The following GPA33 variants were observed in gnomAD, a reference collection of about 807,000 sequenced individuals.
GPA33 encodes the protein glycoprotein A33, also known as cell surface A33 antigen.
GPA33 carries 27 observed loss-of-function variants against 35.6 expected under a neutral mutation model. The ratio of observed to expected loss-of-function variants is 0.76; its 90% CI spans 0.56 to 1.04. The LOEUF (loss-of-function observed/expected upper bound fraction) is 1.04. Among genes scored for constraint, GPA33 ranks in the 50% least tolerant of loss-of-function variants. The pLI is 0.00. For missense variants in GPA33, 428 were observed against 411.9 expected (o/e 1.04, Z -0.34); for synonymous variants, 176 against 164.0 (o/e 1.07, Z -0.56).
At chr1:167,063,421 C>A (rs1666509482) in intron 4 of GPA33, among the ~76,000 whole-genome samples, 161 bp downstream of exon 4, 1 of 152,150 alleles carries the variant, frequency 6.6e-6, no homozygotes. Flanking sequence ...AAACAAGAAA[C>A]CAGTGCTTAG....
At chr1:167,075,629 TGTAA>T (rs1666809011) in intron 1 of GPA33, among the ~76,000 whole-genome samples, 3 of 152,172 alleles carry the variant, frequency 2.0e-5, no homozygotes, top group African/African-American at 7.2e-5. Context: ...GAGGCAGTTA[TGTAA>T]GTCTGGAGTG....
chr1:167,072,168 G>C (rs1042783294), intron 2 of GPA33, among the ~76,000 whole-genome samples: 7 of 152,258 alleles, frequency 4.6e-5, no homozygotes, highest in Non-Finnish European at 7.4e-5. Flanking sequence ...GAGGCCTTGA[G>C]TGTTCTAGGC....
chr1:167,067,370 G>A (rs1163972283), intron 3 of GPA33, among the ~76,000 whole-genome samples: 3 of 151,992 alleles, frequency 2.0e-5, no homozygotes, highest in Non-Finnish European at 4.4e-5. Context: ...CTAAAGTGCT[G>A]GGATTACAGG....
At chr1:167,090,202 C>G in intron 1 of GPA33, 43 bp downstream of exon 1, 5 of 1,504,158 alleles carry the variant, frequency 3.3e-6, no homozygotes, top group Non-Finnish European at 4.6e-6. Flanking sequence ...GTCCCCATGT[C>G]TCACCCACCC....
At chr1:167,069,258 C>T in intron 2 of GPA33, 120 bp from the exon 3 acceptor site, 3 of 626,330 alleles carry the variant, frequency 4.8e-6, no homozygotes, top group South Asian at 1.9e-5. Context: ...ACCTGCCAAC[C>T]CCTCAGAACA....
intron 1 of GPA33, among the ~76,000 whole-genome samples, chr1:167,075,025 C>A: frequency 6.6e-6 from 1 of 151,406 alleles, no homozygotes; most frequent in East Asian, 1.9e-4. Context: ...CCTCAGCCTC[C>A]CGAGTAGCTG....
intron 6 of GPA33, 29 bp from the exon 7 acceptor site, chr1:167,054,495 G>T (rs1312524841): frequency 6.2e-7 from 1 of 1,613,818 alleles, no homozygotes; most frequent in Non-Finnish European, 8.5e-7. Flanking sequence ...CAGAGGGGAA[G>T]GATTTGCTCT....
At chr1:167,061,483 T>C (rs1666440235) in intron 4 of GPA33, among the ~76,000 whole-genome samples, 2 of 150,572 alleles carry the variant, frequency 1.3e-5, no homozygotes, top group Non-Finnish European at 2.9e-5. Context: ...ACACACTCGA[T>C]AAAAAGTTGC....
intron 2 of GPA33, among the ~76,000 whole-genome samples, chr1:167,069,639 G>A (rs995150843): frequency 6.6e-6 from 1 of 152,242 alleles, no homozygotes; most frequent in Non-Finnish European, 1.5e-5. Flanking sequence ...CAAATTGTAT[G>A]TGGTAATGGC....
intron 1 of GPA33, among the ~76,000 whole-genome samples, chr1:167,083,503 A>C (rs570846560): frequency 6.6e-6 from 1 of 152,162 alleles, no homozygotes; most frequent in South Asian, 2.1e-4. Flanking sequence ...ACTATGCCAG[A>C]CTCTGGGGAT....
intron 1 of GPA33, among the ~76,000 whole-genome samples, chr1:167,078,128 T>A (rs1483426673): frequency 6.6e-6 from 1 of 152,204 alleles, no homozygotes; most frequent in Non-Finnish European, 1.5e-5. Flanking sequence ...TCCTATTTTG[T>A]TCCTTGACCA....
At chr1:167,056,818 AGCGTT>A (rs1558002185) in intron 4 of GPA33, among the ~76,000 whole-genome samples, 413 of 2,766 alleles carry the variant, frequency 0.15, no homozygotes, top group Admixed American at 0.19. Context: ...TGTATGTGGC[AGCGTT>A]TGTAGTGTGT....
chr1:167,072,995 T>A (rs769700379), intron 2 of GPA33, among the ~76,000 whole-genome samples: 1 of 150,780 alleles, frequency 6.6e-6, no homozygotes, highest in Admixed American at 6.6e-5. Context: ...GATTATATTA[T>A]CTATTTAAAA....
intron 4 of GPA33, among the ~76,000 whole-genome samples, chr1:167,056,602 G>A (rs1571301821): frequency 6.5e-5 from 1 of 15,462 alleles, no homozygotes; most frequent in Non-Finnish European, 1.8e-4. Context: ...TGTGTATGTG[G>A]TGTGTGTAGT....
chr1:167,086,749 G>A lies in GPA33; in HGVS notation c.43+3496C>T, dbSNP rs187376188. ...TGGGTTTTCTGAAACTTTTTTATAT[G>A]GGGGGAGAAAAAACATTTTTTTCTA... On this transcript the variant is annotated intron_variant, in intron 1 of 6. Coordinates refer to ENST00000367868, the MANE Select transcript of GPA33 (RefSeq NM_005814.3). Among the ~76,000 whole-genome samples, 253 of 152,244 alleles carry A rather than the reference G, an allele frequency of 1.7e-3. 1 individual carries two copies. The highest frequency in any genetic ancestry group is 5.9e-3 in the African/African-American group (246 of 41,542).
At chr1:167,065,201 A>G (rs1053680218) in intron 3 of GPA33, among the ~76,000 whole-genome samples, 5 of 152,240 alleles carry the variant, frequency 3.3e-5, no homozygotes, top group African/African-American at 1.2e-4. Flanking sequence ...ATGACCAGAC[A>G]GGAGGCAAGG....
intron 1 of GPA33, among the ~76,000 whole-genome samples, chr1:167,077,213 A>AG (rs1666841051): frequency 6.6e-6 from 1 of 152,266 alleles, no homozygotes; most frequent in African/African-American, 2.4e-5. Context: ...TTCCAAAAAA[A>AG]AAAAAAGAGA....
chr1:167,073,644 A>C (rs1571314745), intron 1 of GPA33, 105 bp from the exon 2 acceptor site: 1 of 975,526 alleles, frequency 1.0e-6, no homozygotes. Context: ...CTGTTCTTGC[A>C]CCTCCAGCCA....
intron 2 of GPA33, among the ~76,000 whole-genome samples, chr1:167,071,324 GAA>G (rs35545266): frequency 1.3e-5 from 2 of 152,080 alleles, no homozygotes; most frequent in Non-Finnish European, 2.9e-5. Flanking sequence ...TGAATTGAGC[GAA>G]AAAAGAGGTT....
Sources: gnomAD v4.1 joint callset for allele counts (sites outside exome capture counted in the v4.1 genomes callset) on GRCh38, gnomAD v4.1.1 for gene constraint, MANE v1.5 for transcripts, NCBI Gene and HGNC (gene_info 2026-07-23, HGNC 2026-07-21) for gene names.